The following HDHD2 variants were observed in gnomAD, a reference collection of about 807,000 sequenced individuals.
The protein encoded by HDHD2 is haloacid dehalogenase-like hydrolase domain-containing protein 2.
HDHD2 carries 26 observed loss-of-function variants against 24.8 expected under a neutral mutation model. That is an observed-to-expected ratio of 1.05 (90% confidence interval 0.77 to 1.45). The LOEUF is 1.45. Ranked by LOEUF, HDHD2 falls within the 40% of genes most tolerant of loss-of-function variation. The pLI is 0.00. For synonymous variants in HDHD2, 128 were observed against 114.9 expected (o/e 1.11, Z -0.73); for missense variants, 299 against 313.4 (o/e 0.95, Z 0.35).
chr18:47,111,501 G>C (rs1294247082), intron 6 of HDHD2: 2 of 985,086 alleles, frequency 2.0e-6, no homozygotes, highest in African/African-American at 3.5e-5. Context: ...TGAAAACAAA[G>C]ATACATGGAG....
chr18:47,138,631 TG>T (rs2063790229), intron 1 of HDHD2, among the ~76,000 whole-genome samples: 2 of 152,234 alleles, frequency 1.3e-5, no homozygotes, highest in African/African-American at 2.4e-5. Context: ...GAAAGAAGGA[TG>T]TTTTCATACC....
At chr18:47,137,280 A>G in intron 1 of HDHD2, 1 of 489,956 alleles carries the variant, frequency 2.0e-6, no homozygotes, top group East Asian at 4.3e-5. Flanking sequence ...GATGTGTTCC[A>G]GTAGCAGACG....
chr18:47,110,577 T>A (rs2063507515), intron 6 of HDHD2: 1 of 985,086 alleles, frequency 1.0e-6, no homozygotes, highest in Non-Finnish European at 1.2e-6. Context: ...GCAAGTGGGG[T>A]TTCTACAAAA....
At chr18:47,142,992 A>C (rs1181801507) in intron 1 of HDHD2, among the ~76,000 whole-genome samples, 1 of 152,216 alleles carries the variant, frequency 6.6e-6, no homozygotes, top group Non-Finnish European at 1.5e-5. Context: ...TACCAGACAT[A>C]CCACACAAAT....
At chr18:47,119,139 C>G (rs2063582101) in intron 4 of HDHD2, among the ~76,000 whole-genome samples, 1 of 152,132 alleles carries the variant, frequency 6.6e-6, no homozygotes, top group Non-Finnish European at 1.5e-5. Flanking sequence ...GGCCTTGCCT[C>G]GATGTTGATG....
At chr18:47,113,260 G>T (rs1341334577) in intron 5 of HDHD2, among the ~76,000 whole-genome samples, 1 of 152,198 alleles carries the variant, frequency 6.6e-6, no homozygotes. Context: ...GTATAGAATA[G>T]AGTAGTAATC....
intron 6 of HDHD2, chr18:47,109,846 C>CTT (rs2063501605): frequency 1.6e-5 from 5 of 313,982 alleles, no homozygotes; most frequent in Non-Finnish European, 1.9e-5. Context: ...TTTAAGAAGA[C>CTT]TAAGTTATTT....
intron 3 of HDHD2, among the ~76,000 whole-genome samples, 174 bp from the exon 4 acceptor site, chr18:47,130,502 A>G (rs2063703691): frequency 6.6e-6 from 1 of 152,200 alleles, no homozygotes; most frequent in African/African-American, 2.4e-5. Context: ...ACAGAAGGAG[A>G]GGGAGAGGGA....
intron 1 of HDHD2, among the ~76,000 whole-genome samples, chr18:47,148,051 C>A (rs2063890567): frequency 6.7e-6 from 1 of 149,652 alleles, no homozygotes; most frequent in South Asian, 2.1e-4. Context: ...TGCAGTGGCA[C>A]TATCTCTCAG....
chr18:47,131,971 T>C (rs767368144), intron 3 of HDHD2, among the ~76,000 whole-genome samples: 4 of 152,158 alleles, frequency 2.6e-5, no homozygotes, highest in Non-Finnish European at 4.4e-5. Context: ...CACTTAATCG[T>C]CTTTTCATTG....
chr18:47,148,867 G>A (rs1210978070), intron 1 of HDHD2, among the ~76,000 whole-genome samples: 1 of 152,322 alleles, frequency 6.6e-6, no homozygotes, highest in East Asian at 1.9e-4. Flanking sequence ...ATGCAACAGT[G>A]CAGTGGTTAA....
intron 3 of HDHD2, among the ~76,000 whole-genome samples, chr18:47,131,216 A>G (rs2063710589): frequency 6.6e-6 from 1 of 152,110 alleles, no homozygotes; most frequent in Non-Finnish European, 1.5e-5. Flanking sequence ...ACCTCAGGTG[A>G]TCCACCCGCC....
In HDHD2 at chr18:47,111,068, C is replaced by A. The variant is rs8098855; in HGVS notation, c.676+1909G>T. On this transcript the variant is annotated intron_variant, in intron 6 of 6. Coordinates refer to ENST00000300605, the MANE Select transcript of HDHD2 (RefSeq NM_032124.5). Reference sequence around the variant, plus strand: ...TTTACCAATGAAGCTGGCTGTTCCACATGTTTTTAGAACAGTAGGGTTATT... The same window carrying A: ...TTTACCAATGAAGCTGGCTGTTCCAAATGTTTTTAGAACAGTAGGGTTATT... 4.1e-6 allele frequency: 4 copies of A among 985,278 alleles called. No homozygotes were observed. The African/African-American group carries it at 7.0e-5, about 17-fold the overall frequency. 61.0% of individuals were successfully genotyped at this position (985,278 alleles called of 1,614,324 possible). A position where few individuals can be genotyped will look rare whatever the true frequency, so the allele number is the denominator to read the frequency against.
intron 1 of HDHD2, among the ~76,000 whole-genome samples, chr18:47,138,915 A>G (rs1411284649): frequency 6.6e-6 from 1 of 152,204 alleles, no homozygotes; most frequent in Non-Finnish European, 1.5e-5. Flanking sequence ...CTTTACATTC[A>G]ATCACATTTT....
chr18:47,114,659 A>G (rs1345746902), intron 5 of HDHD2, among the ~76,000 whole-genome samples: 1 of 152,156 alleles, frequency 6.6e-6, no homozygotes, highest in Non-Finnish European at 1.5e-5. Flanking sequence ...AAGGTGATCA[A>G]TAGCTTTAGC....
intron 1 of HDHD2, among the ~76,000 whole-genome samples, chr18:47,140,470 A>C (rs1037800210): frequency 6.6e-6 from 1 of 152,164 alleles, no homozygotes; most frequent in Non-Finnish European, 1.5e-5. Context: ...GTGTATTAAA[A>C]TACATTTTTT....
At chr18:47,109,037 A>G in intron 6 of HDHD2, 1 of 454,096 alleles carries the variant, frequency 2.2e-6, no homozygotes, top group Non-Finnish European at 3.9e-6. Context: ...GGATCGTCTG[A>G]CAGCTAAGAT....
intron 6 of HDHD2, chr18:47,109,068 T>C: frequency 2.8e-6 from 1 of 361,596 alleles, no homozygotes. Context: ...TGTTCACAGC[T>C]GATGAAATCA....
intron 1 of HDHD2, among the ~76,000 whole-genome samples, chr18:47,146,855 T>C (rs1340467791): frequency 1.3e-5 from 2 of 152,136 alleles, no homozygotes; most frequent in African/African-American, 4.8e-5. Flanking sequence ...GGATAATGAT[T>C]ACCCTCCAGA....
Sources: allele counts gnomAD v4.1 joint callset (sites outside exome capture counted in the v4.1 genomes callset), GRCh38; gene constraint gnomAD v4.1.1; transcripts MANE v1.5; gene names NCBI Gene and HGNC (gene_info 2026-07-23, HGNC 2026-07-21).